The following KIF13A variants were observed in gnomAD, a reference collection of about 807,000 sequenced individuals.
The protein encoded by KIF13A is kinesin family member 13A.
In KIF13A, 79 loss-of-function variants were observed where a neutral mutation model predicts 212.2. The ratio of observed to expected loss-of-function variants is 0.37; its 90% CI spans 0.31 to 0.45. The LOEUF (loss-of-function observed/expected upper bound fraction) is 0.45. KIF13A is among the 20% of genes least tolerant of loss of function. KIF13A has a pLI of 1.00. For synonymous variants in KIF13A, 789 were observed against 808.6 expected (o/e 0.98, Z 0.41); for missense variants, 1,901 against 2,209.0 (o/e 0.86, Z 2.79).
chr6:17,805,740 A>G (rs913961400), intron 18 of KIF13A, 125 bp from the exon 19 acceptor site: 15 of 804,280 alleles, frequency 1.9e-5, no homozygotes, highest in Non-Finnish European at 2.9e-5. Flanking sequence ...AAGAAGATAA[A>G]ATTCTACCAC....
At chr6:17,804,202 A>T (rs1431472025) in intron 20 of KIF13A, among the ~76,000 whole-genome samples, 159 bp downstream of exon 20, 1 of 152,040 alleles carries the variant, frequency 6.6e-6, no homozygotes, top group East Asian at 1.9e-4. Context: ...AAAGCTTCTA[A>T]TATCGATTAT....
Position 17,772,817 on chromosome 6 carries a change from C to T in KIF13A, c.4324+661G>A, listed in dbSNP as rs1333941409. Among the ~76,000 whole-genome samples, 3 of 152,022 alleles carry T rather than the reference C, an allele frequency of 2.0e-5. No individual in the cohort carries two copies. The highest frequency in any genetic ancestry group is 7.2e-5 in the African/African-American group (3 of 41,400). Reference sequence around the variant, plus strand: ...TTCTTGCGAGCCTCTTTTTTTCCCCCTCAGGCCACCCTGCTATATATGACT... The same window carrying T: ...TTCTTGCGAGCCTCTTTTTTTCCCCTTCAGGCCACCCTGCTATATATGACT... On this transcript the variant is annotated intron_variant, in intron 36 of 38. Coordinates refer to ENST00000259711, the MANE Select transcript of KIF13A (RefSeq NM_022113.6). This position sits in a 1 kb window ranked among gnomAD's most constrained non-coding sequence, Gnocchi z 4.8.
chr6:17,959,861 T>C (rs1778664153), intron 2 of KIF13A, among the ~76,000 whole-genome samples: 1 of 152,096 alleles, frequency 6.6e-6, no homozygotes, highest in African/African-American at 2.4e-5. Context: ...TCGTCTTTCC[T>C]AAAAATACAA....
At chr6:17,782,220 C>A (rs1188443198) in intron 29 of KIF13A, among the ~76,000 whole-genome samples, 1 of 152,088 alleles carries the variant, frequency 6.6e-6, no homozygotes, top group African/African-American at 2.4e-5. Flanking sequence ...CAGGCATGAG[C>A]CAACATACCC....
intron 2 of KIF13A, among the ~76,000 whole-genome samples, chr6:17,985,314 T>C (rs1229176767): frequency 1.3e-5 from 2 of 152,192 alleles, no homozygotes; most frequent in Non-Finnish European, 2.9e-5. Context: ...TCCTGATTAG[T>C]AACTAACGTG....
At chr6:17,796,044 T>C (rs1311332226) in intron 23 of KIF13A, among the ~76,000 whole-genome samples, 1 of 152,178 alleles carries the variant, frequency 6.6e-6, no homozygotes, top group Non-Finnish European at 1.5e-5. Context: ...ATAGGACATA[T>C]CATTCCCCAT....
At chr6:17,964,192 A>C (rs1193718295) in intron 2 of KIF13A, among the ~76,000 whole-genome samples, 1 of 152,214 alleles carries the variant, frequency 6.6e-6, no homozygotes, top group African/African-American at 2.4e-5. Context: ...AGAACTAATT[A>C]TTCAGTTTAG....
At position 17,764,836 on chromosome 6, in the gene KIF13A, C is replaced by T; in HGVS notation, c.4692G>A (p.Leu1564=). 1 of 1,613,850 alleles carries T rather than the reference C, an allele frequency of 6.2e-7. No individual in the cohort carries two copies. Among genetic ancestry groups the T allele is most frequent in the Non-Finnish European group, 8.5e-7 (1 of 1,179,826 alleles). ...FADFSVYNAS[L]ENREWFSSKV... ...TAGAGGAAAACCATTCCCTGTTCTC[C>T]AAGCTGGCATTGTAAACACTGAAGT... is the stretch of plus-strand genomic sequence containing the variant. Residue 1564 remains leucine (L), a synonymous_variant, in exon 39 of 39, where the codon TTG becomes TTA. Transcript: ENST00000259711. This position sits in a 1 kb window ranked among gnomAD's most constrained non-coding sequence, Gnocchi z 5.1.
In KIF13A at chr6:17,764,981, C is replaced by A; in HGVS notation, c.4582-35G>T. The A allele has an allele frequency of 6.8e-7, 1 of 1,481,030 alleles. No homozygotes were observed. The highest frequency in any genetic ancestry group is 1.3e-5 in the South Asian group (1 of 77,372). 91.7% of individuals were successfully genotyped at this position (1,481,030 alleles called of 1,614,324 possible). A position where few individuals can be genotyped will look rare whatever the true frequency, so the allele number is the denominator to read the frequency against. On this transcript the variant is annotated intron_variant, in intron 38 of 38. Transcript: ENST00000259711. This position sits in a 1 kb window ranked among gnomAD's most constrained non-coding sequence, Gnocchi z 5.1. ...TGAAGCAAAAGTCAGTCATTAGCTC[C>A]TTGTAGCAACTGTACTGTTGAGACA...
intron 4 of KIF13A, among the ~76,000 whole-genome samples, chr6:17,865,324 A>AG (rs1349441577): frequency 6.9e-5 from 4 of 58,286 alleles, no homozygotes; most frequent in African/African-American, 3.7e-4. Flanking sequence ...AGAGAGAGAG[A>AG]GGAAAAAAAA....
chr6:17,807,306 T>A lies in KIF13A; in HGVS notation c.2163+1462A>T, dbSNP rs534176164. On this transcript the variant is annotated intron_variant, in intron 18 of 38. Transcript: ENST00000259711. ...GCAAGTAGGAGATATATTGCTAAAT[T>A]CTTGTCCTAGCAAGAAATATTAATA... Among the ~76,000 whole-genome samples, 1,180 of 152,250 alleles carry A rather than the reference T, an allele frequency of 7.8e-3. 9 individuals carry two copies. The highest frequency in any genetic ancestry group is 0.013 in the Non-Finnish European group (855 of 68,018).
intron 13 of KIF13A, among the ~76,000 whole-genome samples, chr6:17,830,037 T>A (rs1163320967): frequency 6.6e-6 from 1 of 152,098 alleles, no homozygotes; most frequent in Non-Finnish European, 1.5e-5. Flanking sequence ...ACTCAGAAAG[T>A]GTGTGTATGT....
Position 17,811,315 on chromosome 6 carries a change from T to C in KIF13A, c.2001-2385A>G, listed in dbSNP as rs546916797. The stretch of plus-strand genomic sequence containing the variant: ...ATGCATACAATATTTACTAAATACC[T>C]ACCAGGTGACCACATCATTCTAGGC... On this transcript the variant is annotated intron_variant, in intron 17 of 38. Coordinates refer to ENST00000259711, the MANE Select transcript of KIF13A (RefSeq NM_022113.6). This position sits in a 1 kb window ranked among gnomAD's most constrained non-coding sequence, Gnocchi z 6.0. Among the ~76,000 whole-genome samples, 35 of 152,360 alleles carry C rather than the reference T, an allele frequency of 2.3e-4. No homozygotes were observed. The highest frequency in any genetic ancestry group is 7.9e-4 in the African/African-American group (33 of 41,586).
intron 2 of KIF13A, among the ~76,000 whole-genome samples, chr6:17,966,400 A>C (rs1201755502): frequency 6.6e-6 from 1 of 151,802 alleles, no homozygotes; most frequent in Non-Finnish European, 1.5e-5. Flanking sequence ...TTTTCCTCTA[A>C]AGGGACTTAA....
chr6:17,806,046 A>G (rs1207791852), intron 18 of KIF13A, among the ~76,000 whole-genome samples: 1 of 151,836 alleles, frequency 6.6e-6, no homozygotes, highest in Non-Finnish European at 1.5e-5. Context: ...CAGCCTCCCA[A>G]GTAGCTGGGA....
chr6:17,916,957 A>G (rs1273402215), intron 2 of KIF13A, among the ~76,000 whole-genome samples: 1 of 152,008 alleles, frequency 6.6e-6, no homozygotes, highest in Non-Finnish European at 1.5e-5. Context: ...CATAATCTCA[A>G]TACAACAAGC....
At chr6:17,808,321 G>T (rs1482840973) in intron 18 of KIF13A, among the ~76,000 whole-genome samples, 1 of 152,168 alleles carries the variant, frequency 6.6e-6, no homozygotes, top group Non-Finnish European at 1.5e-5. Context: ...AGGAGGCGGA[G>T]ATTGCAGTGA....
At chr6:17,804,269 T>C in intron 20 of KIF13A, 92 bp downstream of exon 20, 1 of 1,229,614 alleles carries the variant, frequency 8.1e-7, no homozygotes, top group Non-Finnish European at 1.1e-6. Flanking sequence ...TTGATCCACC[T>C]CAAGAACATA....
intron 2 of KIF13A, among the ~76,000 whole-genome samples, chr6:17,957,280 C>G (rs1024903127): frequency 5.9e-5 from 9 of 152,110 alleles, no homozygotes; most frequent in African/African-American, 2.2e-4. Flanking sequence ...GATCACTGAG[C>G]ACATGGAGGC....
Sources: gnomAD v4.1 joint callset for allele counts (sites outside exome capture counted in the v4.1 genomes callset) on GRCh38, gnomAD v4.1.1 for gene constraint, Gnocchi (gnomAD v3.1) non-coding constraint, MANE v1.5 for transcripts, NCBI Gene and HGNC (gene_info 2026-07-23, HGNC 2026-07-21) for gene names.